LARS2: variants seen among roughly 807,000 people sequenced by gnomAD.
The protein encoded by LARS2 is leucyl-tRNA synthetase 2, mitochondrial.
Under a neutral mutation model 116.6 loss-of-function variants are expected in LARS2, and 81 were observed. That is an observed-to-expected ratio of 0.69 (90% CI 0.58 to 0.84). The LOEUF is 0.84. Ranked by LOEUF, LARS2 falls within the 40% of genes least tolerant of loss-of-function variation. The pLI is 0.00. For missense variants in LARS2, 968 were observed against 1,114.5 expected (o/e 0.87, Z 1.87); for synonymous variants, 396 against 407.2 (o/e 0.97, Z 0.33).
At chr3:45,531,201 A>G (rs1359979933) in intron 20 of LARS2, among the ~76,000 whole-genome samples, 2 of 152,188 alleles carry the variant, frequency 1.3e-5, no homozygotes, top group Non-Finnish European at 2.9e-5. Context: ...GGTTAATACC[A>G]TGGAAATCTG....
intron 5 of LARS2, among the ~76,000 whole-genome samples, chr3:45,419,468 T>C (rs1054563715): frequency 1.3e-5 from 2 of 152,252 alleles, no homozygotes; most frequent in Non-Finnish European, 2.9e-5. Context: ...TCTGTATATG[T>C]CCAAATAATG....
chr3:45,400,500 C>A, intron 4 of LARS2, 127 bp downstream of exon 4: 2 of 861,688 alleles, frequency 2.3e-6, no homozygotes, highest in Non-Finnish European at 3.4e-6. Context: ...TGAAGATGGA[C>A]ATGAAAAGCT....
chr3:45,491,113 G>A (rs1448954781), intron 12 of LARS2, among the ~76,000 whole-genome samples: 2 of 152,138 alleles, frequency 1.3e-5, no homozygotes, highest in East Asian at 3.9e-4. Flanking sequence ...GATCTCTGTA[G>A]GTGTCACAGG....
At chr3:45,442,102 G>A (rs180746774) in intron 6 of LARS2, among the ~76,000 whole-genome samples, 1 of 152,274 alleles carries the variant, frequency 6.6e-6, no homozygotes, top group East Asian at 1.9e-4. Context: ...ACTTTGAATT[G>A]CCTGACTTTT....
chr3:45,515,706 A>C (rs796273996), intron 16 of LARS2, among the ~76,000 whole-genome samples: 31 of 152,336 alleles, frequency 2.0e-4, no homozygotes, highest in African/African-American at 7.5e-4. Flanking sequence ...CAGGCTGCCA[A>C]CTTCCATAAG....
intron 20 of LARS2, among the ~76,000 whole-genome samples, chr3:45,525,151 T>C (rs1700514678): frequency 6.6e-6 from 1 of 152,254 alleles, no homozygotes; most frequent in African/African-American, 2.4e-5. Flanking sequence ...CTTTTTCTTT[T>C]TAGCTAAGAT....
intron 4 of LARS2, among the ~76,000 whole-genome samples, chr3:45,413,011 A>G (rs577153747): frequency 6.6e-6 from 1 of 152,194 alleles, no homozygotes. Context: ...CCTGATGTGA[A>G]TCATTAACTA....
chr3:45,489,104 T>C (rs1404770389), intron 12 of LARS2, among the ~76,000 whole-genome samples: 1 of 152,102 alleles, frequency 6.6e-6, no homozygotes, highest in African/African-American at 2.4e-5. Context: ...TTGGGAGAGG[T>C]GACTGAAATT....
chr3:45,462,427 AAAAAAGAAAG>A (rs1289226901), intron 8 of LARS2, among the ~76,000 whole-genome samples: 1 of 151,466 alleles, frequency 6.6e-6, no homozygotes, highest in Admixed American at 6.6e-5. Context: ...ACCAAAAAAA[AAAAAAGAAAG>A]AAAGAAAGAA....
chr3:45,537,722 G>A (rs916258180), intron 20 of LARS2, among the ~76,000 whole-genome samples: 106 of 152,210 alleles, frequency 7.0e-4, no homozygotes, highest in African/African-American at 2.5e-3. Context: ...TATGAGTGCA[G>A]GGGTGAGGAG....
intron 7 of LARS2, among the ~76,000 whole-genome samples, chr3:45,451,888 T>C (rs1271979485): frequency 6.6e-6 from 1 of 152,188 alleles, no homozygotes; most frequent in Non-Finnish European, 1.5e-5. Context: ...CATCAATGTT[T>C]TATAGTTTTC....
At chr3:45,517,844 A>T (rs569085456) in intron 17 of LARS2, 59 bp from the exon 18 acceptor site, 217 of 1,391,278 alleles carry the variant, frequency 1.6e-4, no homozygotes, top group South Asian at 9.9e-4. Flanking sequence ...TAGTTATACC[A>T]AGTCAATCAC....
At chr3:45,462,207 A>G (rs1699337293) in intron 8 of LARS2, among the ~76,000 whole-genome samples, 1 of 152,166 alleles carries the variant, frequency 6.6e-6, no homozygotes, top group East Asian at 1.9e-4. Flanking sequence ...TTGTCATCTC[A>G]GTAGTTCTCT....
chr3:45,428,716 A>G (rs1698641316), intron 6 of LARS2, among the ~76,000 whole-genome samples: 1 of 152,204 alleles, frequency 6.6e-6, no homozygotes, highest in Non-Finnish European at 1.5e-5. Flanking sequence ...TTAACTCAAC[A>G]CTTTTTCCCC....
chr3:45,526,172 T>C (rs566401301), intron 20 of LARS2, among the ~76,000 whole-genome samples: 74 of 152,360 alleles, frequency 4.9e-4, no homozygotes, highest in Middle Eastern at 3.4e-3. Context: ...GAGACAATTT[T>C]TGAGTCCGAT....
At chr3:45,425,490 A>G (rs952172310) in intron 6 of LARS2, among the ~76,000 whole-genome samples, 1 of 152,192 alleles carries the variant, frequency 6.6e-6, no homozygotes, top group East Asian at 1.9e-4. Context: ...TGTGAATGGA[A>G]GTGGTCAGCA....
chr3:45,396,911 T>A (rs1219004409), intron 3 of LARS2, among the ~76,000 whole-genome samples: 1 of 152,226 alleles, frequency 6.6e-6, no homozygotes, highest in African/African-American at 2.4e-5. Context: ...AGCAAACTGA[T>A]CCCAGAAGGC....
At chr3:45,434,204 ACT>A (rs1401157044) in intron 6 of LARS2, among the ~76,000 whole-genome samples, 1 of 151,984 alleles carries the variant, frequency 6.6e-6, no homozygotes, top group Non-Finnish European at 1.5e-5. Flanking sequence ...GCCTTAGGAG[ACT>A]CTGATGACAT....
At chr3:45,436,636 T>C (rs1337123809) in intron 6 of LARS2, among the ~76,000 whole-genome samples, 1 of 150,634 alleles carries the variant, frequency 6.6e-6, no homozygotes, top group African/African-American at 2.4e-5. Flanking sequence ...CTACTAAAAA[T>C]ACAAAAAATT....
Sources: gnomAD v4.1 joint callset for allele counts (sites outside exome capture counted in the v4.1 genomes callset) on GRCh38, gnomAD v4.1.1 for gene constraint, MANE v1.5 for transcripts, NCBI Gene and HGNC (gene_info 2026-07-23, HGNC 2026-07-21) for gene names.